Variants in COL5A2 observed in about 807,000 individuals in gnomAD.
COL5A2 encodes collagen type V alpha 2 chain, also known as collagen alpha-2(V) chain.
A neutral mutation model predicts 208.2 loss-of-function variants in COL5A2; 23 were observed. The observed-to-expected ratio is 0.11, with a 90% CI of 0.08 to 0.16. The LOEUF (loss-of-function observed/expected upper bound fraction) is 0.16, where lower values mean the gene tolerates loss of function less well. COL5A2 is among the 10% of genes least tolerant of loss of function. The pLI is 1.00. For missense variants in COL5A2, 1,590 were observed against 1,956.4 expected (o/e 0.81, Z 3.53); for synonymous variants, 625 against 628.5 (o/e 0.99, Z 0.08).
At chr2:189,086,580 CTATT>C in intron 9 of COL5A2, 142 bp downstream of exon 9, 2 of 565,300 alleles carry the variant, frequency 3.5e-6, no homozygotes, top group African/African-American at 1.9e-5. Flanking sequence ...TAAATAAAAA[CTATT>C]TAATATATCC....
intron 5 of COL5A2, 158 bp from the exon 6 acceptor site, chr2:189,097,488 T>C (rs1686943850): frequency 2.6e-6 from 2 of 766,008 alleles, no homozygotes; most frequent in Non-Finnish European, 4.5e-6. Context: ...CATATAAAAG[T>C]TCTGTACGCT....
upstream of COL5A2, among the ~76,000 whole-genome samples, chr2:189,226,302 G>T (rs992132608): frequency 6.6e-6 from 1 of 152,138 alleles, no homozygotes; most frequent in African/African-American, 2.4e-5. Context: ...TCAGCAAGAT[G>T]TAGTAATAAA....
At chr2:189,094,880 G>A (rs1406169989) in intron 6 of COL5A2, among the ~76,000 whole-genome samples, 1 of 150,924 alleles carries the variant, frequency 6.6e-6, no homozygotes, top group Non-Finnish European at 1.5e-5. Context: ...GGTCTTGTAG[G>A]AGTATCTCAT....
chr2:189,080,064 C>T, intron 13 of COL5A2, 33 bp from the exon 14 acceptor site: 1 of 1,579,450 alleles, frequency 6.3e-7, no homozygotes, highest in Non-Finnish European at 8.7e-7. Context: ...GTATTTGTAT[C>T]CTGTTTTTTT....
At chr2:189,144,220 C>T (rs985715992) in intron 1 of COL5A2, among the ~76,000 whole-genome samples, 1 of 151,888 alleles carries the variant, frequency 6.6e-6, no homozygotes, top group African/African-American at 2.4e-5. Context: ...TTCAAAAACT[C>T]AAAAGACAGA....
At chr2:189,419,951 A>C in the COL5A2 span, among the ~76,000 whole-genome samples, 2 of 146,024 alleles carry the variant, frequency 1.4e-5, no homozygotes, top group Non-Finnish European at 3.0e-5. Context: ...GGAAAGGAAA[A>C]GAGGTGAGAG....
the COL5A2 span, among the ~76,000 whole-genome samples, chr2:189,397,787 A>T: frequency 6.6e-6 from 1 of 151,638 alleles, no homozygotes; most frequent in Non-Finnish European, 1.5e-5. Flanking sequence ...TTTCTTATAA[A>T]CTTGTTTTCT....
At chr2:189,422,075 G>C in the COL5A2 span, among the ~76,000 whole-genome samples, 1 of 152,128 alleles carries the variant, frequency 6.6e-6, no homozygotes, top group Non-Finnish European at 1.5e-5. Context: ...ACTGGAATAA[G>C]TACCTACTTC....
the COL5A2 span, among the ~76,000 whole-genome samples, chr2:189,282,647 C>A: frequency 6.6e-6 from 1 of 152,138 alleles, no homozygotes; most frequent in East Asian, 1.9e-4. Flanking sequence ...CTGTGTTCAT[C>A]TTTAGTATAT....
At chr2:189,160,792 T>TTCA (rs904118387) in intron 1 of COL5A2, among the ~76,000 whole-genome samples, 1 of 151,942 alleles carries the variant, frequency 6.6e-6, no homozygotes, top group African/African-American at 2.4e-5. Context: ...TGAGAATTTC[T>TTCA]TCATGTACTT....
At chr2:189,286,667 T>C in the COL5A2 span, among the ~76,000 whole-genome samples, 2 of 152,304 alleles carry the variant, frequency 1.3e-5, no homozygotes, top group East Asian at 1.9e-4. Context: ...TAAGAGACTT[T>C]ATGGCACTAT....
the COL5A2 span, among the ~76,000 whole-genome samples, chr2:189,406,753 T>C: frequency 6.6e-6 from 1 of 152,122 alleles, no homozygotes; most frequent in Non-Finnish European, 1.5e-5. Flanking sequence ...AGCTATTAAT[T>C]TGTTACTAGA....
chr2:189,051,480 C>A lies in COL5A2; in HGVS notation c.2771G>T (p.Gly924Val). 6.2e-7 allele frequency: 1 copy of A among 1,601,196 alleles called. No homozygotes were observed. ...AGRVGPPGPAGAPGPAGPLGE... is the reference protein window; with the variant it reads ...AGRVGPPGPAVAPGPAGPLGE... ...TAGGGGTCCCGCAGGTCCTGGAGCT[C>A]CCTAGTATAACAAAGAAAGAAACAC... Residue 924 changes from glycine (G) to valine (V), a missense_variant and splice_region_variant, in exon 42 of 54, where the codon GGA (glycine) becomes GTA (valine). Physicochemically the swap from Gly to Val is moderately radical, Grantham distance 109. Coordinates refer to ENST00000374866, the MANE Select transcript of COL5A2 (RefSeq NM_000393.5).
chr2:189,216,529 T>A (rs1053660483), intron 1 of COL5A2, among the ~76,000 whole-genome samples: 2 of 152,092 alleles, frequency 1.3e-5, no homozygotes, highest in Admixed American at 1.3e-4. Context: ...ATTTAATTGA[T>A]ATTACAATCA....
At chr2:189,359,961 T>C in the COL5A2 span, among the ~76,000 whole-genome samples, 1 of 152,154 alleles carries the variant, frequency 6.6e-6, no homozygotes. Flanking sequence ...TCTTTTTGCT[T>C]AGTCTAGCTA....
chr2:189,143,930 G>T (rs1433479575), intron 1 of COL5A2, among the ~76,000 whole-genome samples: 1 of 152,054 alleles, frequency 6.6e-6, no homozygotes, highest in East Asian at 1.9e-4. Context: ...TATAGCTGCA[G>T]AACTGGAATT....
chr2:189,098,510 CATA>C (rs1686968637), intron 5 of COL5A2, among the ~76,000 whole-genome samples: 1 of 152,186 alleles, frequency 6.6e-6, no homozygotes, highest in Admixed American at 6.5e-5. Flanking sequence ...GCAAGACTAA[CATA>C]ATGTTTCTTC....
the COL5A2 span, among the ~76,000 whole-genome samples, chr2:189,427,010 A>G: frequency 7.9e-5 from 12 of 152,262 alleles, no homozygotes; most frequent in Non-Finnish European, 1.6e-4. Context: ...AGAAATTTGC[A>G]TAACTAAAAG....
chr2:189,035,394 C>T (rs564514235), intron 52 of COL5A2, among the ~76,000 whole-genome samples: 39 of 152,068 alleles, frequency 2.6e-4, no homozygotes, highest in African/African-American at 9.4e-4. Context: ...CCAATAATAA[C>T]AATAATTCAC....
Sources: allele counts gnomAD v4.1 joint callset (sites outside exome capture counted in the v4.1 genomes callset), GRCh38; gene constraint gnomAD v4.1.1; transcripts MANE v1.5; gene names NCBI Gene and HGNC (gene_info 2026-07-23, HGNC 2026-07-21).